Variants in STIM1 observed in about 807,000 individuals in gnomAD.
STIM1 encodes the protein stromal interaction molecule 1.
STIM1 carries 25 observed loss-of-function variants against 74.7 expected under a neutral mutation model. The observed-to-expected ratio is 0.33, with a 90% CI of 0.24 to 0.47. The LOEUF (loss-of-function observed/expected upper bound fraction) is 0.47, where lower values mean the gene tolerates loss of function less well. Ranked by LOEUF, STIM1 falls within the 20% of genes least tolerant of loss-of-function variation. STIM1 has a pLI of 1.00. For missense variants in STIM1, 728 were observed against 920.8 expected (o/e 0.79, Z 2.71); for synonymous variants, 328 against 348.8 (o/e 0.94, Z 0.66).
chr11:4,004,770 A>G (rs1245253046), intron 2 of STIM1, among the ~76,000 whole-genome samples: 2 of 152,038 alleles, frequency 1.3e-5, no homozygotes, highest in Non-Finnish European at 2.9e-5. Flanking sequence ...TCTGCACAGC[A>G]AAAGAAACTA....
chr11:4,049,917 T>C (rs1357329058), intron 3 of STIM1, among the ~76,000 whole-genome samples: 3 of 152,128 alleles, frequency 2.0e-5, no homozygotes, highest in African/African-American at 7.2e-5. Flanking sequence ...ATCTACTTCA[T>C]ATGAAAATGA....
At chr11:3,971,268 G>C (rs1246016926) in intron 2 of STIM1, among the ~76,000 whole-genome samples, 2 of 150,856 alleles carry the variant, frequency 1.3e-5, no homozygotes, top group African/African-American at 4.9e-5. Context: ...GGTGGCTCAC[G>C]CCTGTAATCC....
intron 7 of STIM1, among the ~76,000 whole-genome samples, chr11:4,080,297 G>A (rs1011843953): frequency 2.3e-4 from 35 of 151,984 alleles, no homozygotes; most frequent in African/African-American, 7.3e-4. Flanking sequence ...ATGTGACAAG[G>A]TTGAGAACCA....
chr11:3,931,762 A>G (rs1356657851), intron 1 of STIM1, among the ~76,000 whole-genome samples: 2 of 152,216 alleles, frequency 1.3e-5, no homozygotes, highest in African/African-American at 4.8e-5. Context: ...GCATTCCCTT[A>G]GAATGACACT....
At chr11:3,960,337 T>C (rs974406682) in intron 1 of STIM1, among the ~76,000 whole-genome samples, 5 of 152,260 alleles carry the variant, frequency 3.3e-5, no homozygotes, top group Non-Finnish European at 5.9e-5. Flanking sequence ...AACTGGATTT[T>C]AGAAAACTTG....
intron 1 of STIM1, among the ~76,000 whole-genome samples, chr11:3,921,393 A>G (rs2092715557): frequency 6.6e-6 from 1 of 152,212 alleles, no homozygotes; most frequent in South Asian, 2.1e-4. Context: ...AGTTTTGCCT[A>G]GGGATATGTA....
chr11:3,975,008 A>G (rs960330599), intron 2 of STIM1, among the ~76,000 whole-genome samples: 4 of 152,166 alleles, frequency 2.6e-5, no homozygotes, highest in South Asian at 2.1e-4. Context: ...ACAAATTCTT[A>G]TTTAATACAT....
At chr11:3,885,897 G>A (rs2091687628) in intron 1 of STIM1, among the ~76,000 whole-genome samples, 1 of 152,180 alleles carries the variant, frequency 6.6e-6, no homozygotes, top group Non-Finnish European at 1.5e-5. Flanking sequence ...CTCAGCCTCT[G>A]TAAGTGTTGG....
intron 2 of STIM1, among the ~76,000 whole-genome samples, chr11:4,019,723 A>C (rs2135999946): frequency 6.6e-6 from 1 of 152,358 alleles, no homozygotes; most frequent in Middle Eastern, 3.4e-3. Context: ...CATGTATACA[A>C]TGTATAATGA....
intron 3 of STIM1, among the ~76,000 whole-genome samples, chr11:4,046,110 G>A (rs1296184311): frequency 4.0e-5 from 5 of 126,202 alleles, no homozygotes; most frequent in Non-Finnish European, 3.2e-5. Context: ...TGTCGCCCAG[G>A]CTGGAGTGCA....
intron 1 of STIM1, among the ~76,000 whole-genome samples, chr11:3,890,686 T>A (rs2091865824): frequency 6.6e-6 from 1 of 152,004 alleles, no homozygotes; most frequent in Non-Finnish European, 1.5e-5. Context: ...CCAGCCTGGG[T>A]GATGGAGCAA....
intron 7 of STIM1, among the ~76,000 whole-genome samples, chr11:4,081,320 G>A (rs530666259): frequency 1.5e-3 from 230 of 152,336 alleles, no homozygotes; most frequent in Non-Finnish European, 2.6e-3. Flanking sequence ...TTAGTGCTTT[G>A]TGACTGCCTC....
At chr11:3,876,808 A>C (rs1333250707) in intron 1 of STIM1, among the ~76,000 whole-genome samples, 1 of 152,212 alleles carries the variant, frequency 6.6e-6, no homozygotes, top group Non-Finnish European at 1.5e-5. Context: ...TTGGTTTAGA[A>C]TGAAAACCCC....
At chr11:3,993,194 G>T (rs566672321) in intron 2 of STIM1, among the ~76,000 whole-genome samples, 116 of 152,146 alleles carry the variant, frequency 7.6e-4, no homozygotes, top group African/African-American at 2.2e-3. Flanking sequence ...CACTTATTCT[G>T]ATCTCCTCTC....
chr11:3,957,281 G>A (rs2093227002), intron 1 of STIM1, among the ~76,000 whole-genome samples: 1 of 152,102 alleles, frequency 6.6e-6, no homozygotes, highest in South Asian at 2.1e-4. Flanking sequence ...TTTTGAGACA[G>A]ATTCTTGCTC....
At chr11:3,910,847 G>A (rs1044944532) in intron 1 of STIM1, among the ~76,000 whole-genome samples, 5 of 151,474 alleles carry the variant, frequency 3.3e-5, no homozygotes, top group Admixed American at 6.6e-5. Context: ...ATATCCGGGC[G>A]TGGTGGTGCC....
Position 3,887,812 on chromosome 11 carries a change from C to G in STIM1, c.139+31403C>G, listed in dbSNP as rs576277824. ...TGAAACCCTGCCTCTACTAAAAATA[C>G]AAAAAATTAGCCGGACGTGGTGGCA... On this transcript the variant is annotated intron_variant, in intron 1 of 12. Transcript: ENST00000526596. 6.9e-4 allele frequency among the ~76,000 whole-genome samples: 105 copies of G among 151,882 alleles called. 1 individual carries two copies. Among genetic ancestry groups the G allele is most frequent in the Middle Eastern group, 6.8e-3 (2 of 294 alleles).
chr11:3,863,334 T>C (rs1245390723), intron 1 of STIM1, among the ~76,000 whole-genome samples: 1 of 150,644 alleles, frequency 6.6e-6, no homozygotes. Flanking sequence ...TGGCTCACTG[T>C]TGCCTCGACC....
rs1159817252 is a variant in STIM1 at position 4,070,082 on chromosome 11, G to A, written c.670G>A (p.Val224Met). ...GCTGGTGGTGTCTATCGTTATTGGT[G>A]TGGGCGGCTGCTGGTTTGCCTATAT... is the stretch of plus-strand genomic sequence containing the variant. ...FMLVVSIVIGVGGCWFAYIQN... is the reference protein window; with the variant it reads ...FMLVVSIVIGMGGCWFAYIQN... Residue 224 changes from valine to methionine, a missense_variant, in exon 6 of 13, where the codon GTG (valine) becomes ATG (methionine). By Grantham distance (21) the Val-to-Met change is conservative (BLOSUM62 1). Around this residue, in one of 5 missense-constraint regions of STIM1, gnomAD observed 132 missense variants for 158.2 expected, o/e 0.83. Transcript: ENST00000526596. 2 of 1,614,088 alleles carry A rather than the reference G, an allele frequency of 1.2e-6. No individual in the cohort carries two copies. The highest frequency in any genetic ancestry group is 1.7e-5 in the Admixed American group (1 of 60,006).
Sources: allele counts gnomAD v4.1 joint callset (sites outside exome capture counted in the v4.1 genomes callset), GRCh38; gene constraint gnomAD v4.1.1; regional missense constraint gnomAD v4.1.1; transcripts MANE v1.5; gene names NCBI Gene and HGNC (gene_info 2026-07-23, HGNC 2026-07-21).